SIK3: variants seen among roughly 807,000 people sequenced by gnomAD.
The protein encoded by SIK3 is SIK family kinase 3.
In SIK3, 28 loss-of-function variants were observed where a neutral mutation model predicts 144.2. The observed-to-expected ratio is 0.19, with a 90% CI of 0.14 to 0.27. The LOEUF is 0.27. Among genes scored for constraint, SIK3 ranks in the 10% least tolerant of loss-of-function variants. The pLI, the probability that SIK3 is intolerant of heterozygous loss-of-function variation, is 1.00. For synonymous variants in SIK3, 686 were observed against 676.3 expected (o/e 1.01, Z -0.22); for missense variants, 1,319 against 1,776.0 (o/e 0.74, Z 4.62).
rs1955467135 is a variant in SIK3 at position 117,096,287 on chromosome 11, TG to T, written c.273+1855del. On this transcript the variant is annotated intron_variant, in intron 1 of 24. Coordinates refer to ENST00000445177, the MANE Select transcript of SIK3 (RefSeq NM_001366686.3). The stretch of plus-strand genomic sequence containing the variant: ...GGAAGATTCAAAATTCTTTAAATCA[TG>T]AAACCATAAACCAGGCAACCAATTA... Among the ~76,000 whole-genome samples, 3 of 152,278 alleles carry T rather than the reference TG, an allele frequency of 2.0e-5. No individual in the cohort carries two copies. In the South Asian group the frequency reaches 6.2e-4, roughly 32 times the overall value.
At chr11:117,001,224 G>A (rs1447426878) in intron 1 of SIK3, among the ~76,000 whole-genome samples, 3 of 152,214 alleles carry the variant, frequency 2.0e-5, no homozygotes, top group East Asian at 3.9e-4. Flanking sequence ...AGTAATCTGA[G>A]GCCAGGTGCA....
At chr11:116,902,746 C>A (rs1945806360) in intron 4 of SIK3, among the ~76,000 whole-genome samples, 1 of 152,164 alleles carries the variant, frequency 6.6e-6, no homozygotes, top group East Asian at 1.9e-4. Context: ...TATTGTTACT[C>A]CCAACTCTAA....
rs771457028 is a variant in SIK3, at chr11:116,849,216, A to G, written c.3723T>C (p.Asn1241=). 32 of 1,614,026 alleles carry G rather than the reference A, an allele frequency of 2.0e-5. No individual in the cohort carries two copies. The highest frequency in any genetic ancestry group is 2.6e-5 in the Non-Finnish European group (31 of 1,180,032). The change falls in exon 22 of 25, where the codon AAT becomes AAC. Residue 1241 remains asparagine (N), a synonymous_variant. Transcript: ENST00000445177. The surrounding 1 kb of genome is among the most constrained non-coding windows in gnomAD (Gnocchi z 4.2). ...PGQAVELPDH[N]GLGYPARPSV... is the part of the protein sequence containing the mutation. ...AGGGGCGTGCTGGGTACCCGAGCCC[A>G]TTGTGATCCGGCAGCTCCACTGCTT...
intron 1 of SIK3, among the ~76,000 whole-genome samples, chr11:116,998,272 C>A (rs1950736596): frequency 1.3e-5 from 2 of 151,714 alleles, no homozygotes; most frequent in South Asian, 2.1e-4. Flanking sequence ...GAGTTTGAAA[C>A]CAGCCTGACT....
Position 116,858,313 on chromosome 11 carries a change from C to T in SIK3, c.3152G>A (p.Arg1051Gln), listed in dbSNP as rs901812167. 1.4e-5 allele frequency: 23 copies of T among 1,612,750 alleles called. No homozygotes were observed. The highest frequency in any genetic ancestry group is 3.3e-5 in the Admixed American group (2 of 59,948). ...AQLIKRQQQQ[R>Q]QQQQQQQQQQ... Reference sequence around the variant, plus strand: ...TTGCTGCTGTTGCTGCTGCTGCTGCCGTTGTTGCTGCTGCCTTTTAATGAG... The same window carrying T: ...TTGCTGCTGTTGCTGCTGCTGCTGCTGTTGTTGCTGCTGCCTTTTAATGAG... The change falls in exon 21 of 25, where the codon CGG (arginine) becomes CAG (glutamine). Residue 1051 changes from arginine to glutamine, a missense_variant. Arg to Gln is a conservative substitution (Grantham distance 43, BLOSUM62 1). Transcript: ENST00000445177. This position sits in a 1 kb window ranked among gnomAD's most constrained non-coding sequence, Gnocchi z 5.4.
At chr11:116,890,159 G>C (rs148663688) in intron 6 of SIK3, among the ~76,000 whole-genome samples, 5 of 152,306 alleles carry the variant, frequency 3.3e-5, no homozygotes, top group African/African-American at 1.2e-4. Flanking sequence ...GTGGTGATAG[G>C]AGGTGAGGAG....
Position 117,098,349 on chromosome 11 carries a change from C to T in SIK3, c.67G>A (p.Ala23Thr). The change falls in exon 1 of 25, where the codon GCG (alanine) becomes ACG (threonine). Residue 23 changes from alanine (A) to threonine (T), a missense_variant. Ala to Thr is a moderately conservative substitution (Grantham distance 58, BLOSUM62 0). This residue lies in a region of SIK3 where 114 missense variants were observed against 116.2 expected (regional missense o/e 0.98). Coordinates refer to ENST00000445177, the MANE Select transcript of SIK3 (RefSeq NM_001366686.3). ...GCGGGCGGAGGCAGCAGGCGGCCCG[C>T]GGGCCCGGCTCCCCCAGTCCCGGCC... ...AGAGTGGAGP[A>T]GRLLPPPAPG... 1 of 1,152,032 alleles carries T rather than the reference C, an allele frequency of 8.7e-7. No individual in the cohort carries two copies. The highest frequency in any genetic ancestry group is 4.2e-5 in the South Asian group (1 of 23,936). 71.4% of individuals were successfully genotyped at this position (1,152,032 alleles called of 1,614,324 possible).
chr11:116,856,259 T>C (rs1942922210), intron 21 of SIK3, among the ~76,000 whole-genome samples: 1 of 151,210 alleles, frequency 6.6e-6, no homozygotes, highest in Admixed American at 6.6e-5. Flanking sequence ...AGTGTGCTAA[T>C]CTGCTGGAAG....
In SIK3 at chr11:117,043,697, G is replaced by A. The variant is rs547292746; in HGVS notation, c.273+54446C>T. Among the ~76,000 whole-genome samples, 144 of 152,318 alleles carry A rather than the reference G, an allele frequency of 9.5e-4. 2 individuals carry two copies. The highest frequency in any genetic ancestry group is 1.8e-3 in the Admixed American group (27 of 15,296). On this transcript the variant is annotated intron_variant, in intron 1 of 24. Transcript: ENST00000445177. Reference sequence around the variant, plus strand: ...GAACTGTTCAGCCATAGGGTTTCATGTCTAATTAATTATTTAACCATATCT... The same window carrying A: ...GAACTGTTCAGCCATAGGGTTTCATATCTAATTAATTATTTAACCATATCT...
chr11:116,987,622 T>C (rs1039684920), intron 1 of SIK3, among the ~76,000 whole-genome samples: 2 of 152,144 alleles, frequency 1.3e-5, no homozygotes, highest in African/African-American at 4.8e-5. Flanking sequence ...AAAAATTTAC[T>C]TGAGATGCAA....
At chr11:117,057,353 A>G (rs1388759551) in intron 1 of SIK3, among the ~76,000 whole-genome samples, 1 of 152,232 alleles carries the variant, frequency 6.6e-6, no homozygotes, top group Non-Finnish European at 1.5e-5. Flanking sequence ...AAACAGGTAG[A>G]GGGGTTAGAT....
At chr11:116,975,585 T>C (rs527354649) in intron 1 of SIK3, among the ~76,000 whole-genome samples, 144 of 152,354 alleles carry the variant, frequency 9.5e-4, no homozygotes, top group African/African-American at 3.2e-3. Flanking sequence ...TGTATGGATA[T>C]ATTAATTTTA....
chr11:117,058,946 C>T (rs1410769171), intron 1 of SIK3, among the ~76,000 whole-genome samples: 2 of 152,188 alleles, frequency 1.3e-5, no homozygotes, highest in Non-Finnish European at 2.9e-5. Flanking sequence ...ATACTGATGA[C>T]TCATTGAAAG....
At chr11:117,078,721 T>A (rs565440620) in intron 1 of SIK3, among the ~76,000 whole-genome samples, 4 of 152,262 alleles carry the variant, frequency 2.6e-5, no homozygotes, top group African/African-American at 7.2e-5. Context: ...GTCATATTTT[T>A]AATTAAATTA....
In SIK3 at chr11:116,874,073, T is replaced by C; in HGVS notation, c.1428-17A>G. The C allele has an allele frequency of 1.2e-6, 2 of 1,612,434 alleles. No homozygotes were observed. Among genetic ancestry groups the C allele is most frequent in the Non-Finnish European group, 8.5e-7 (1 of 1,179,516 alleles). ...ACTTCCGTGCTGATACAAAACAGAA[T>C]GACAGAGAAGTTTAGTTAACATTCT... On this transcript the variant is annotated splice_polypyrimidine_tract_variant and intron_variant, in intron 11 of 24. Coordinates refer to ENST00000445177, the MANE Select transcript of SIK3 (RefSeq NM_001366686.3).
At position 117,009,694 on chromosome 11, in the gene SIK3, C is replaced by G. The variant is rs573687900; in HGVS notation, c.274-52630G>C. ...CAATCAAAGTACACTATTATTATAG[C>G]ATTCTCTAATGTATCAAATCAATAT... On this transcript the variant is annotated intron_variant, in intron 1 of 24. Coordinates refer to ENST00000445177, the MANE Select transcript of SIK3 (RefSeq NM_001366686.3). Among the ~76,000 whole-genome samples the G allele has an allele frequency of 1.8e-3, 280 of 152,268 alleles. 2 individuals carry two copies. The highest frequency in any genetic ancestry group is 3.4e-3 in the Middle Eastern group (1 of 294).
chr11:116,949,218 G>C (rs529939249), intron 3 of SIK3, among the ~76,000 whole-genome samples: 2 of 152,318 alleles, frequency 1.3e-5, no homozygotes, highest in Admixed American at 6.5e-5. Context: ...CTAAAAGCTA[G>C]ATTCTTCTAG....
chr11:116,889,889 T>C lies in SIK3; in HGVS notation c.865+6364A>G, dbSNP rs144081330. ...TCCAGCCTGGGCGACAGAGATCCTG[T>C]CTCAAAAAATAAACCTATTAAAAAA... On this transcript the variant is annotated intron_variant, in intron 6 of 24. Coordinates refer to ENST00000445177, the MANE Select transcript of SIK3 (RefSeq NM_001366686.3). Among the ~76,000 whole-genome samples, 189 of 152,260 alleles carry C rather than the reference T, an allele frequency of 1.2e-3. 4 individuals are homozygous for C. In the East Asian group the frequency reaches 0.035, roughly 28 times the overall value.
chr11:116,888,679 C>T (rs892215297), intron 6 of SIK3, among the ~76,000 whole-genome samples: 2 of 152,172 alleles, frequency 1.3e-5, no homozygotes, highest in African/African-American at 4.8e-5. Context: ...ACTTCCTACC[C>T]TGGTTGTTTC....
Sources: allele counts gnomAD v4.1 joint callset (sites outside exome capture counted in the v4.1 genomes callset), GRCh38; gene constraint gnomAD v4.1.1; regional missense constraint gnomAD v4.1.1; non-coding constraint Gnocchi (gnomAD v3.1); transcripts MANE v1.5; gene names NCBI Gene and HGNC (gene_info 2026-07-23, HGNC 2026-07-21).